NREP: variants seen among roughly 807,000 people sequenced by gnomAD.
NREP encodes the protein neuronal regeneration-related protein.
In NREP, 5 loss-of-function variants were observed where a neutral mutation model predicts 8.6. The ratio of observed to expected loss-of-function variants is 0.58; its 90% confidence interval spans 0.30 to 1.22. The LOEUF (loss-of-function observed/expected upper bound fraction) is 1.22. Ranked by LOEUF, NREP falls within the 50% of genes most tolerant of loss-of-function variation. NREP has a pLI of 0.07. For missense variants in NREP, 86 were observed against 82.5 expected (o/e 1.04, Z -0.17); for synonymous variants, 27 against 28.0 (o/e 0.96, Z 0.11).
At chr5:111,910,402 G>A (rs1754879647) in intron 2 of NREP, among the ~76,000 whole-genome samples, 2 of 151,930 alleles carry the variant, frequency 1.3e-5, no homozygotes, top group African/African-American at 4.8e-5. Context: ...TCAATGTGTG[G>A]CGACAAATTG....
At chr5:111,735,920 A>C (rs968716992) in intron 2 of NREP, among the ~76,000 whole-genome samples, 4 of 152,190 alleles carry the variant, frequency 2.6e-5, no homozygotes, top group African/African-American at 7.2e-5. Context: ...AAGATTATGA[A>C]TAAAATAAAA....
intron 2 of NREP, among the ~76,000 whole-genome samples, chr5:111,848,905 A>G (rs537248590): frequency 2.0e-5 from 3 of 152,282 alleles, no homozygotes; most frequent in African/African-American, 7.2e-5. Flanking sequence ...ATTTGCTTCA[A>G]TAAATGATAG....
chr5:111,879,344 T>C (rs1753989780), intron 2 of NREP, among the ~76,000 whole-genome samples: 2 of 152,302 alleles, frequency 1.3e-5, no homozygotes, highest in Middle Eastern at 3.4e-3. Context: ...GAAGATCAGA[T>C]AAAGCACTGA....
At chr5:111,968,216 A>C (rs1341516831) in intron 2 of NREP, among the ~76,000 whole-genome samples, 1 of 151,974 alleles carries the variant, frequency 6.6e-6, no homozygotes, top group Non-Finnish European at 1.5e-5. Context: ...CTTTTTAAAA[A>C]TCTTAAAAAA....
chr5:111,886,445 T>C (rs574255653), intron 2 of NREP, among the ~76,000 whole-genome samples: 100 of 152,198 alleles, frequency 6.6e-4, no homozygotes, highest in African/African-American at 2.0e-3. Context: ...CTAGAAATAC[T>C]ATTTGACCCA....
intron 2 of NREP, among the ~76,000 whole-genome samples, chr5:111,816,891 G>A (rs1274741341): frequency 2.0e-5 from 3 of 151,658 alleles, no homozygotes; most frequent in Non-Finnish European, 2.9e-5. Context: ...TAAAAGGATG[G>A]AAAAAGATAA....
At chr5:111,883,512 G>T (rs1754145326) in intron 2 of NREP, among the ~76,000 whole-genome samples, 1 of 152,124 alleles carries the variant, frequency 6.6e-6, no homozygotes, top group East Asian at 1.9e-4. Context: ...CAAATCAACA[G>T]AATATACACT....
intron 2 of NREP, among the ~76,000 whole-genome samples, chr5:111,964,495 A>G (rs1756575637): frequency 6.6e-6 from 1 of 151,986 alleles, no homozygotes; most frequent in Non-Finnish European, 1.5e-5. Context: ...GCCACCTGAG[A>G]AGCTAGGATT....
chr5:111,765,893 A>C (rs1265966225), intron 2 of NREP, among the ~76,000 whole-genome samples: 1 of 152,170 alleles, frequency 6.6e-6, no homozygotes, highest in Non-Finnish European at 1.5e-5. Context: ...ATTTGTAAAA[A>C]TGGCACCTAC....
intron 2 of NREP, among the ~76,000 whole-genome samples, chr5:111,829,605 C>G (rs1266402954): frequency 6.6e-6 from 1 of 152,168 alleles, no homozygotes; most frequent in Non-Finnish European, 1.5e-5. Context: ...ATTCCTCCAT[C>G]AAATTTCTTT....
At chr5:111,916,306 C>T (rs1435336421) in intron 2 of NREP, among the ~76,000 whole-genome samples, 1 of 151,818 alleles carries the variant, frequency 6.6e-6, no homozygotes, top group African/African-American at 2.4e-5. Context: ...CATCATTGAA[C>T]CCCAGAAGTG....
chr5:111,757,099 G>A, intron 1 of NREP, 37 bp downstream of exon 1: 1 of 633,862 alleles, frequency 1.6e-6, no homozygotes, highest in Non-Finnish European at 2.0e-6. Context: ...AGAGAAACCA[G>A]CGCTCCCAGC....
At chr5:111,887,206 A>G (rs112441242) in intron 2 of NREP, among the ~76,000 whole-genome samples, 511 of 152,222 alleles carry the variant, frequency 3.4e-3, no homozygotes, top group African/African-American at 0.011. Context: ...TTACAGGTGT[A>G]AACTACCATG....
intron 2 of NREP, among the ~76,000 whole-genome samples, chr5:111,816,173 G>GT (rs960578398): frequency 3.2e-4 from 49 of 152,224 alleles, no homozygotes; most frequent in African/African-American, 1.2e-3. Flanking sequence ...CCAAAAAAAA[G>GT]TTTTTGAATA....
rs140010455 is a variant in NREP at position 111,871,729 on chromosome 5, C to T, written c.135+103545G>A. Among the ~76,000 whole-genome samples, 296 of 151,516 alleles carry T rather than the reference C, an allele frequency of 2.0e-3. 3 individuals carry two copies. Among genetic ancestry groups the T allele is most frequent in the Non-Finnish European group, 2.8e-3 (189 of 67,892 alleles). ...CAAACCATCTATTAGCCCAGGCCTA[C>T]GGTTGGGATCATCAAGATGTCACTA... On this transcript the variant is annotated intron_variant, in intron 2 of 3. Coordinates refer to the NREP transcript ENST00000395634.
At chr5:111,861,936 G>T (rs914061654) in intron 2 of NREP, among the ~76,000 whole-genome samples, 1 of 152,126 alleles carries the variant, frequency 6.6e-6, no homozygotes, top group East Asian at 1.9e-4. Flanking sequence ...AAATGAAATG[G>T]TGCATCTACA....
intron 2 of NREP, among the ~76,000 whole-genome samples, chr5:111,913,743 G>C (rs756814824): frequency 6.6e-6 from 1 of 152,068 alleles, no homozygotes; most frequent in Non-Finnish European, 1.5e-5. Context: ...TGAATTCCCA[G>C]CTCTACCTTC....
intron 2 of NREP, among the ~76,000 whole-genome samples, chr5:111,747,006 A>T (rs1057012788): frequency 1.3e-5 from 2 of 152,116 alleles, no homozygotes; most frequent in Admixed American, 1.3e-4. Context: ...ATCTACTGAC[A>T]CTCAACAATG....
chr5:111,754,437 G>T (rs1581085043), intron 2 of NREP, among the ~76,000 whole-genome samples: 1 of 152,214 alleles, frequency 6.6e-6, no homozygotes, highest in South Asian at 2.1e-4. Context: ...GTCACAGAAA[G>T]TAGGTAACGT....
Sources: allele counts gnomAD v4.1 joint callset (sites outside exome capture counted in the v4.1 genomes callset), GRCh38; gene constraint gnomAD v4.1.1; transcripts MANE v1.5; gene names NCBI Gene and HGNC (gene_info 2026-07-23, HGNC 2026-07-21).